The following WNT3 variants were observed in gnomAD, a reference collection of about 807,000 sequenced individuals.
WNT3 encodes the protein proto-oncogene Wnt-3.
A neutral mutation model predicts 34.2 loss-of-function variants in WNT3; 7 were observed. That is an observed-to-expected ratio of 0.20 (90% CI 0.12 to 0.38). The LOEUF (loss-of-function observed/expected upper bound fraction) is 0.38. Ranked by LOEUF, WNT3 falls within the 10% of genes least tolerant of loss-of-function variation. The pLI is 1.00. For synonymous variants in WNT3, 212 were observed against 211.5 expected (o/e 1.00, Z -0.02); for missense variants, 267 against 499.8 (o/e 0.53, Z 4.44).
At chr17:46,796,434 G>A (rs184078562) in intron 1 of WNT3, among the ~76,000 whole-genome samples, 49 of 152,304 alleles carry the variant, frequency 3.2e-4, no homozygotes, top group Middle Eastern at 3.4e-3. Context: ...GGAAACTGAG[G>A]CAGAGATTGG....
At chr17:46,773,643 C>T (rs1330213852) in intron 2 of WNT3, 25 bp downstream of exon 2, 3 of 1,105,056 alleles carry the variant, frequency 2.7e-6, no homozygotes, top group Non-Finnish European at 3.7e-6. Context: ...CAGCCCCTCC[C>T]CCCCCCTCAG....
At chr17:46,771,199 G>A (rs1370326815) in intron 2 of WNT3, among the ~76,000 whole-genome samples, 1 of 152,200 alleles carries the variant, frequency 6.6e-6, no homozygotes, top group African/African-American at 2.4e-5. Flanking sequence ...GGAGGGCGAA[G>A]AGTGCAGAGC....
chr17:46,787,744 A>G (rs1453089002), intron 1 of WNT3, among the ~76,000 whole-genome samples: 1 of 152,234 alleles, frequency 6.6e-6, no homozygotes, highest in African/African-American at 2.4e-5. Context: ...AACTGAAGTC[A>G]GGAGTTCGAG....
chr17:46,766,049 A>C (rs573075038), intron 4 of WNT3, among the ~76,000 whole-genome samples: 1 of 152,154 alleles, frequency 6.6e-6, no homozygotes, highest in South Asian at 2.1e-4. Context: ...AGCACTTTAC[A>C]TAAGATTGAG....
chr17:46,766,685 T>G (rs2059316219), intron 4 of WNT3, among the ~76,000 whole-genome samples: 2 of 152,172 alleles, frequency 1.3e-5, no homozygotes, highest in African/African-American at 2.4e-5. Flanking sequence ...CTCTTCTCCA[T>G]GACGTCAAGT....
intron 1 of WNT3, among the ~76,000 whole-genome samples, chr17:46,788,828 A>C (rs1338856483): frequency 6.6e-6 from 1 of 152,084 alleles, no homozygotes; most frequent in Non-Finnish European, 1.5e-5. Flanking sequence ...CGTCTCTCCC[A>C]GATCCCACAG....
In WNT3 at chr17:46,808,745, G is replaced by A. The variant is rs8079330; in HGVS notation, c.80+9773C>T. 9.1e-3 allele frequency among the ~76,000 whole-genome samples: 1,379 copies of A among 152,180 alleles called. 20 individuals are homozygous for A. Among genetic ancestry groups the A allele is most frequent in the African/African-American group, 0.031 (1,304 of 41,518 alleles). ...ACACTTAAGCATCGTGTGAACTGGT[G>A]AACATGGAGGGGGAAATAGTACACA... On this transcript the variant is annotated intron_variant, in intron 1 of 4. Transcript: ENST00000225512.
At chr17:46,805,727 G>A (rs567186081) in intron 1 of WNT3, among the ~76,000 whole-genome samples, 3 of 152,278 alleles carry the variant, frequency 2.0e-5, no homozygotes, top group African/African-American at 7.2e-5. Flanking sequence ...CTCCAGCCTG[G>A]GCAACAGAGC....
chr17:46,814,578 A>ATCTGTCTG (rs773942311), intron 1 of WNT3, among the ~76,000 whole-genome samples: 289 of 152,218 alleles, frequency 1.9e-3, no homozygotes, highest in Non-Finnish European at 2.4e-3. Context: ...GTATCTGCCC[A>ATCTGTCTG]TCTGTCTGTC....
chr17:46,785,445 A>T (rs1211609661), intron 1 of WNT3, among the ~76,000 whole-genome samples: 1 of 152,186 alleles, frequency 6.6e-6, no homozygotes, highest in Non-Finnish European at 1.5e-5. Flanking sequence ...GCACACGGAG[A>T]AAAGATAACC....
chr17:46,765,216 G>C (rs541019250), intron 4 of WNT3, among the ~76,000 whole-genome samples: 1 of 152,320 alleles, frequency 6.6e-6, no homozygotes, highest in East Asian at 1.9e-4. Flanking sequence ...ACTTTACAGA[G>C]GCAGAAACAG....
At chr17:46,795,084 A>G (rs2146431659) in intron 1 of WNT3, among the ~76,000 whole-genome samples, 1 of 152,120 alleles carries the variant, frequency 6.6e-6, no homozygotes, top group African/African-American at 2.4e-5. Flanking sequence ...CCTGGTGGGA[A>G]TTCTTACCTG....
Position 46,769,927 on chromosome 17 carries a change from C to T in WNT3, c.444G>A (p.Pro148=), listed in dbSNP as rs370910717. 52 of 1,613,330 alleles carry T rather than the reference C, an allele frequency of 3.2e-5. No individual in the cohort carries two copies. The highest frequency in any genetic ancestry group is 4.3e-5 in the Non-Finnish European group (51 of 1,179,886). The change falls in exon 3 of 5, where the codon CCG becomes CCA. Residue 148 remains proline, a synonymous_variant. Transcript: ENST00000225512. Reference sequence around the variant, plus strand: ...CGCCCCACTTCCAGCCTTCGCCAGGCGGCCCCTTATGATGCGAGTCACAGC... The same window carrying T: ...CGCCCCACTTCCAGCCTTCGCCAGGTGGCCCCTTATGATGCGAGTCACAGC... ...ICGCDSHHKG[P]PGEGWKWGGC...
At chr17:46,770,118 C>A (rs2059350562) in intron 2 of WNT3, 70 bp from the exon 3 acceptor site, 16 of 1,475,414 alleles carry the variant, frequency 1.1e-5, no homozygotes, top group Non-Finnish European at 1.3e-5. Context: ...CTCCACCTCC[C>A]AGGCCAGGAC....
rs115966560 is a variant in WNT3, at chr17:46,799,789, G to A, written c.80+18729C>T. 6.7e-3 allele frequency among the ~76,000 whole-genome samples: 1,020 copies of A among 152,212 alleles called. 9 individuals carry two copies. The highest frequency in any genetic ancestry group is 0.023 in the African/African-American group (966 of 41,530). ...TTCATTTCAACCTCACAACTACCTT[G>A]AGATCATATTTTTTATTCCCATTAT... is the stretch of plus-strand genomic sequence containing the variant. On this transcript the variant is annotated intron_variant, in intron 1 of 4. Coordinates refer to ENST00000225512, the MANE Select transcript of WNT3 (RefSeq NM_030753.5).
intron 1 of WNT3, among the ~76,000 whole-genome samples, chr17:46,815,546 CG>C (rs1275924654): frequency 6.6e-6 from 1 of 150,898 alleles, no homozygotes; most frequent in Admixed American, 6.6e-5. Context: ...GACTGCCAGG[CG>C]GGGGGCTGGG....
intron 1 of WNT3, among the ~76,000 whole-genome samples, chr17:46,811,483 C>T (rs1383733461): frequency 6.6e-6 from 1 of 152,198 alleles, no homozygotes; most frequent in Non-Finnish European, 1.5e-5. Context: ...TCACGAGGGA[C>T]AGGCTGCCTA....
chr17:46,770,488 G>A (rs574478491), intron 2 of WNT3, among the ~76,000 whole-genome samples: 1 of 152,166 alleles, frequency 6.6e-6, no homozygotes, highest in Non-Finnish European at 1.5e-5. Flanking sequence ...TAAGGAGGGA[G>A]GCCTGGGAAT....
chr17:46,779,099 A>C lies in WNT3; in HGVS notation c.81-5190T>G, dbSNP rs1029639240. 7.1e-4 allele frequency among the ~76,000 whole-genome samples: 91 copies of C among 128,628 alleles called. 2 individuals are homozygous for C. The East Asian group carries it at 0.01, about 15-fold the overall frequency. 84.4% of individuals were successfully genotyped at this position (128,628 alleles called of 152,430 possible). On this transcript the variant is annotated intron_variant, in intron 1 of 4. Transcript: ENST00000225512. ...CACACACACACACACACACACACAC[A>C]CACACCCCAGCCCACTCGGCCTTCC...
Sources: gnomAD v4.1 joint callset for allele counts (sites outside exome capture counted in the v4.1 genomes callset) on GRCh38, gnomAD v4.1.1 for gene constraint, MANE v1.5 for transcripts, NCBI Gene and HGNC (gene_info 2026-07-23, HGNC 2026-07-21) for gene names.